ADAM11: variants seen among roughly 807,000 people sequenced by gnomAD.
ADAM11 encodes ADAM metallopeptidase domain 11, also known as disintegrin and metalloproteinase domain-containing protein 11.
In ADAM11, 49 loss-of-function variants were observed where a neutral mutation model predicts 119.1. The observed-to-expected ratio is 0.41, with a 90% CI of 0.33 to 0.52. ADAM11 has a LOEUF of 0.52. ADAM11 is among the 20% of genes least tolerant of loss of function. The probability of loss-of-function intolerance (pLI) is 0.20; values close to 1 mark genes in which losing one functional copy is unlikely to be tolerated. For missense variants in ADAM11, 777 were observed against 1,047.5 expected, an observed-to-expected ratio of 0.74 and a Z score of 3.56; for synonymous variants, 364 against 408.0, an observed-to-expected ratio of 0.89 and a Z score of 1.30.
At chr17:44,769,940 C>T (rs772319555) in intron 3 of ADAM11, 42 bp from the exon 4 acceptor site, 2 of 1,612,864 alleles carry the variant, frequency 1.2e-6, no homozygotes, top group Admixed American at 3.3e-5. Flanking sequence ...CCCGACCTCA[C>T]CTCGCCCGTG....
At position 44,777,979 on chromosome 17, in the gene ADAM11, T is replaced by C. The variant is rs1435610738; in HGVS notation, c.2098T>C (p.Cys700Arg). ...CTGCAGCAATGAAGGGAAGTGCATC[T>C]GTCAGCCAGACTGGACAGGCAAAGA... ...GVCSNEGKCICQPDWTGKDCS... is the reference protein window; with the variant it reads ...GVCSNEGKCIRQPDWTGKDCS... The change falls in exon 24 of 27, where the codon TGT becomes CGT. Residue 700 changes from cysteine (C) to arginine (R), a missense_variant. Cys to Arg is a radical substitution (Grantham distance 180, BLOSUM62 -3). This residue lies in a region of ADAM11 where 348 missense variants were observed against 486.7 expected (regional missense o/e 0.72). Transcript: ENST00000200557. This position sits in a 1 kb window ranked among gnomAD's most constrained non-coding sequence, Gnocchi z 5.1. 6.2e-7 allele frequency: 1 copy of C among 1,613,952 alleles called. No individual in the cohort carries two copies. Among genetic ancestry groups the C allele is most frequent in the Non-Finnish European group, 8.5e-7 (1 of 1,180,012 alleles).
chr17:44,763,549 C>T (rs1017120512), intron 2 of ADAM11, among the ~76,000 whole-genome samples: 11 of 152,194 alleles, frequency 7.2e-5, no homozygotes, highest in Admixed American at 7.2e-4. Context: ...ACCTGTGGTT[C>T]CAGGGAGCCT....
chr17:44,772,814 A>G lies in ADAM11; in HGVS notation c.679-43A>G, dbSNP rs1220163430. ...TCCTGGCTTGGCCATGAGATCAGTC[A>G]GACATGGAAGGGACTGATTCCAAGT... is the stretch of plus-strand genomic sequence containing the variant. On this transcript the variant is annotated intron_variant, in intron 8 of 26. Coordinates refer to ENST00000200557, the MANE Select transcript of ADAM11 (RefSeq NM_002390.6). This position sits in a 1 kb window ranked among gnomAD's most constrained non-coding sequence, Gnocchi z 4.5. 5.1e-6 allele frequency: 8 copies of G among 1,579,744 alleles called. No homozygotes were observed. In the African/African-American group the frequency reaches 9.4e-5, roughly 19 times the overall value.
In ADAM11 at chr17:44,776,256, A is replaced by G; in HGVS notation, c.1566+49A>G. On this transcript the variant is annotated intron_variant, in intron 18 of 26. Coordinates refer to ENST00000200557, the MANE Select transcript of ADAM11 (RefSeq NM_002390.6). The surrounding 1 kb of genome is among the most constrained non-coding windows in gnomAD (Gnocchi z 5.2). The stretch of plus-strand genomic sequence containing the variant: ...TGGAGCCCTGGGCGAGGCAACCCCT[A>G]CCCTTGTCGATTTGGTTTTCCCGGA... The G allele has an allele frequency of 1.2e-6, 2 of 1,600,474 alleles. No individual in the cohort carries two copies. The highest frequency in any genetic ancestry group is 1.7e-6 in the Non-Finnish European group (2 of 1,170,430).
intron 25 of ADAM11, among the ~76,000 whole-genome samples, chr17:44,778,905 A>C (rs1472903212): frequency 6.6e-6 from 1 of 151,898 alleles, no homozygotes; most frequent in Non-Finnish European, 1.5e-5. Context: ...TCCAGTCCCC[A>C]CCCAGCCTAT....
chr17:44,779,624 G>T, intron 26 of ADAM11, 115 bp from the exon 27 acceptor site: 1 of 1,497,808 alleles, frequency 6.7e-7, no homozygotes, highest in Non-Finnish European at 8.8e-7. Context: ...TCCCTGGCCA[G>T]CCTGTGACTT....
At position 44,774,364 on chromosome 17, in the gene ADAM11, C is replaced by T. The variant is rs1480603300; in HGVS notation, c.1062C>T (p.Gly354=). The T allele has an allele frequency of 4.1e-6, 6 of 1,481,100 alleles. No individual in the cohort carries two copies. The highest frequency in any genetic ancestry group is 2.7e-5 in the South Asian group (2 of 74,676). 91.7% of individuals were successfully genotyped at this position (1,481,100 alleles called of 1,614,324 possible). A position where few individuals can be genotyped will look rare whatever the true frequency, so the allele number is the denominator to read the frequency against. ...YVGGICSLSH[G]GGVNEYGNMG... ...GGGGCATATGCTCCCTGTCCCACGG[C>T]GGGGGTGTGAACGAGGTGAGCAGTG... Residue 354 remains glycine (G), a synonymous_variant, in exon 12 of 27, where the codon GGC becomes GGT. Coordinates refer to ENST00000200557, the MANE Select transcript of ADAM11 (RefSeq NM_002390.6).
At chr17:44,762,475 T>G (rs2049400923) in intron 2 of ADAM11, among the ~76,000 whole-genome samples, 1 of 152,128 alleles carries the variant, frequency 6.6e-6, no homozygotes, top group African/African-American at 2.4e-5. Flanking sequence ...CTTGAGCCCG[T>G]GTGTGTCCTA....
At chr17:44,764,848 C>T (rs549019323) in intron 2 of ADAM11, among the ~76,000 whole-genome samples, 19 of 152,192 alleles carry the variant, frequency 1.2e-4, no homozygotes, top group African/African-American at 3.9e-4. Context: ...TCTGAGTGTC[C>T]GGACAGGGTG....
At chr17:44,764,490 C>T (rs1462655689) in intron 2 of ADAM11, among the ~76,000 whole-genome samples, 2 of 152,134 alleles carry the variant, frequency 1.3e-5, no homozygotes, top group African/African-American at 2.4e-5. Flanking sequence ...TGGGTTGGGG[C>T]AGATGGCTAG....
Position 44,761,813 on chromosome 17 carries a change from G to T in ADAM11, c.237+1916G>T, listed in dbSNP as rs530538222. The stretch of plus-strand genomic sequence containing the variant: ...TATTTCTCACAACTCTGTAAGGCTT[G>T]TAACTTTTGTGTGTTTATGTGTGTG... On this transcript the variant is annotated intron_variant, in intron 2 of 26. Coordinates refer to ENST00000200557, the MANE Select transcript of ADAM11 (RefSeq NM_002390.6). Among the ~76,000 whole-genome samples, 45 of 147,938 alleles carry T rather than the reference G, an allele frequency of 3.0e-4. 2 individuals carry two copies. The South Asian group carries it at 3.6e-3, about 12-fold the overall frequency.
rs759858133 is a variant in ADAM11 at position 44,775,689 on chromosome 17, G to A, written c.1485+13G>A. On this transcript the variant is annotated intron_variant, in intron 17 of 26. Transcript: ENST00000200557. This position sits in a 1 kb window ranked among gnomAD's most constrained non-coding sequence, Gnocchi z 7.5. Reference sequence around the variant, plus strand: ...TCGCCGCTGCAAGGTAAGCAGGACCGGCCGGGAGGCGGGGCCAGGACGCAG... The same window carrying A: ...TCGCCGCTGCAAGGTAAGCAGGACCAGCCGGGAGGCGGGGCCAGGACGCAG... The A allele has an allele frequency of 1.9e-6, 3 of 1,565,150 alleles. No individual in the cohort carries two copies. Among genetic ancestry groups the A allele is most frequent in the South Asian group, 2.3e-5 (2 of 86,574 alleles).
Position 44,774,856 on chromosome 17 carries a change from A to G in ADAM11, c.1220+107A>G, listed in dbSNP as rs576410442. 11 of 1,365,402 alleles carry G rather than the reference A, an allele frequency of 8.1e-6. No homozygotes were observed. The African/African-American group carries it at 1.3e-4, about 16-fold the overall frequency. 84.6% of individuals were successfully genotyped at this position (1,365,402 alleles called of 1,614,324 possible). On this transcript the variant is annotated intron_variant, in intron 14 of 26. Coordinates refer to ENST00000200557, the MANE Select transcript of ADAM11 (RefSeq NM_002390.6). ...GGGGCTCAAGAGGCCCAGCTCACAG[A>G]ACCACTCAGGATCCCAAGAAGCCCA...
chr17:44,777,044 G>A lies in ADAM11; in HGVS notation c.1681+82G>A, dbSNP rs1234440799. 2 of 1,559,034 alleles carry A rather than the reference G, an allele frequency of 1.3e-6. No homozygotes were observed. Among genetic ancestry groups the A allele is most frequent in the African/African-American group, 2.7e-5 (2 of 73,534 alleles). ...GGGGAGAGTGGGTTCCAGCTGAACA[G>A]GCCCCCAAGTGTGTAGCTCCCCAGG... On this transcript the variant is annotated intron_variant, in intron 20 of 26. Coordinates refer to ENST00000200557, the MANE Select transcript of ADAM11 (RefSeq NM_002390.6). This position sits in a 1 kb window ranked among gnomAD's most constrained non-coding sequence, Gnocchi z 5.1.
intron 2 of ADAM11, among the ~76,000 whole-genome samples, chr17:44,761,884 G>A (rs1417199864): frequency 6.6e-6 from 1 of 152,118 alleles, no homozygotes; most frequent in Non-Finnish European, 1.5e-5. Flanking sequence ...GTGCAATGGC[G>A]TGATCTCTGC....
In ADAM11 at chr17:44,775,005, T is replaced by C. The variant is rs1024225483; in HGVS notation, c.1221-207T>C. On this transcript the variant is annotated intron_variant, in intron 14 of 26. Transcript: ENST00000200557. The surrounding 1 kb of genome is among the most constrained non-coding windows in gnomAD (Gnocchi z 7.5). ...AAGCCTCGCATGGAGACACCTTCCC[T>C]CCAGCGCGGCTGCGAGTCCCCAGGT... Among the ~76,000 whole-genome samples, 1 of 152,144 alleles carries C rather than the reference T, an allele frequency of 6.6e-6. No individual in the cohort carries two copies. Among genetic ancestry groups the C allele is most frequent in the African/African-American group, 2.4e-5 (1 of 41,428 alleles).
Position 44,775,292 on chromosome 17 carries a change from T to A in ADAM11, c.1301T>A (p.Leu434His). 1 of 1,613,806 alleles carries A rather than the reference T, an allele frequency of 6.2e-7. No homozygotes were observed. Among genetic ancestry groups the A allele is most frequent in the Non-Finnish European group, 8.5e-7 (1 of 1,179,994 alleles). ...QFLQEGGGSC[L>H]FNKPLKLLDP... The stretch of plus-strand genomic sequence containing the variant: ...CTGCAGGAGGGTGGTGGCAGCTGCC[T>A]CTTCAACAAGCCCCTCAAGGTACCA... Residue 434 changes from leucine to histidine, a missense_variant, in exon 15 of 27, where the codon CTC becomes CAC. This residue lies in a region of ADAM11 where 348 missense variants were observed against 486.7 expected (regional missense o/e 0.72). Transcript: ENST00000200557. The surrounding 1 kb of genome is among the most constrained non-coding windows in gnomAD (Gnocchi z 7.5).
At position 44,775,984 on chromosome 17, in the gene ADAM11, C is replaced by A; in HGVS notation, c.1486-143C>A. On this transcript the variant is annotated intron_variant, in intron 17 of 26. Coordinates refer to ENST00000200557, the MANE Select transcript of ADAM11 (RefSeq NM_002390.6). This position sits in a 1 kb window ranked among gnomAD's most constrained non-coding sequence, Gnocchi z 7.5. ...GGGAGCGTTCAAGAGGTGGTGGGAG[C>A]AGGGAAATAAGAACAGGCCTGAAAC... The A allele has an allele frequency of 2.0e-6, 2 of 978,720 alleles. No individual in the cohort carries two copies. The highest frequency in any genetic ancestry group is 1.6e-6 in the Non-Finnish European group (1 of 644,628). 60.6% of individuals were successfully genotyped at this position (978,720 alleles called of 1,614,324 possible).
At position 44,772,343 on chromosome 17, in the gene ADAM11, G is replaced by A; in HGVS notation, c.610+10G>A. 6.3e-7 allele frequency: 1 copy of A among 1,578,474 alleles called. No individual in the cohort carries two copies. The highest frequency in any genetic ancestry group is 1.1e-5 in the South Asian group (1 of 87,846). ...GGATGCAGGGAACCAGGTAAGGGAGGGAAGGGGGGGTGGGGAGGGGCCGGC... is the reference window on the plus strand; with the variant it reads ...GGATGCAGGGAACCAGGTAAGGGAGAGAAGGGGGGGTGGGGAGGGGCCGGC... On this transcript the variant is annotated intron_variant, in intron 7 of 26. Coordinates refer to ENST00000200557, the MANE Select transcript of ADAM11 (RefSeq NM_002390.6). The surrounding 1 kb of genome is among the most constrained non-coding windows in gnomAD (Gnocchi z 4.5).
Sources: gnomAD v4.1 joint callset for allele counts (sites outside exome capture counted in the v4.1 genomes callset) on GRCh38, gnomAD v4.1.1 for gene constraint, gnomAD v4.1.1 regional missense constraint, Gnocchi (gnomAD v3.1) non-coding constraint, MANE v1.5 for transcripts, NCBI Gene and HGNC (gene_info 2026-07-23, HGNC 2026-07-21) for gene names.